Variants in PCDHGA5 observed in about 807,000 individuals in gnomAD.
The protein encoded by PCDHGA5 is protocadherin gamma-A5.
In PCDHGA5, 36 loss-of-function variants were observed where a neutral mutation model predicts 56.7. That is an observed-to-expected ratio of 0.64 (90% CI 0.49 to 0.84). The LOEUF (loss-of-function observed/expected upper bound fraction) is 0.84, where lower values mean the gene tolerates loss of function less well. Among genes scored for constraint, PCDHGA5 ranks in the 40% least tolerant of loss-of-function variants. The pLI is 0.00. For missense variants in PCDHGA5, 1,305 were observed against 1,201.5 expected (o/e 1.09, Z -1.27); for synonymous variants, 563 against 520.2 (o/e 1.08, Z -1.12).
chr5:141,410,402 A>G, intron 1 of PCDHGA5: 1 of 1,614,008 alleles, frequency 6.2e-7, no homozygotes, highest in South Asian at 1.1e-5. Flanking sequence ...TCTCTGTGTC[A>G]AGTCTGGACC....
intron 1 of PCDHGA5, among the ~76,000 whole-genome samples, chr5:141,433,397 A>ATCTATCTG (rs1554126017): frequency 5.3e-5 from 8 of 150,410 alleles, no homozygotes; most frequent in Non-Finnish European, 1.2e-4. Context: ...CTATCTATCT[A>ATCTATCTG]TCTATCTATT....
chr5:141,488,210 A>G (rs2099673009), intron 1 of PCDHGA5, among the ~76,000 whole-genome samples: 1 of 152,192 alleles, frequency 6.6e-6, no homozygotes, highest in Admixed American at 6.5e-5. Context: ...ACTCATATCA[A>G]GTCCCTACTG....
At chr5:141,379,059 G>A (rs1775341462) in intron 1 of PCDHGA5, 1 of 152,158 alleles carries the variant, frequency 6.6e-6, no homozygotes, top group Admixed American at 6.5e-5. Context: ...GAATGGATTG[G>A]CCACTTGTGC....
chr5:141,366,704 C>T lies in PCDHGA5; in HGVS notation c.2374C>T (p.Leu792=). The T allele has an allele frequency of 6.2e-7, 1 of 1,614,250 alleles. No homozygotes were observed. Among genetic ancestry groups the T allele is most frequent in the Non-Finnish European group, 8.5e-7 (1 of 1,180,034 alleles). ...EESCEKSEPL[L]MSDKVDANKE... is the part of the protein sequence containing the mutation. ...GAGCTGTGAGAAAAGCGAGCCTCTTCTGATGTCTGATAAGGTAGATGCAAA... is the reference window on the plus strand; with the variant it reads ...GAGCTGTGAGAAAAGCGAGCCTCTTTTGATGTCTGATAAGGTAGATGCAAA... The change falls in exon 1 of 4, where the codon CTG becomes TTG. Residue 792 remains leucine (L), a synonymous_variant. Coordinates refer to ENST00000518069, the MANE Select transcript of PCDHGA5 (RefSeq NM_018918.3).
At chr5:141,422,399 T>C in intron 1 of PCDHGA5, 3 of 1,598,374 alleles carry the variant, frequency 1.9e-6, no homozygotes, top group Non-Finnish European at 2.6e-6. Context: ...CCTAACCACC[T>C]GCCTTTTAAA....
chr5:141,382,463 A>T (rs1010194037), intron 1 of PCDHGA5, among the ~76,000 whole-genome samples: 1 of 152,216 alleles, frequency 6.6e-6, no homozygotes, highest in African/African-American at 2.4e-5. Context: ...GCAGTTTTTT[A>T]AAAATTATCT....
rs1210429084 is a variant in PCDHGA5 at position 141,487,045 on chromosome 5, T to C, written c.2422-7762T>C. 2 of 1,614,088 alleles carry C rather than the reference T, an allele frequency of 1.2e-6. No individual in the cohort carries two copies. Among genetic ancestry groups the C allele is most frequent in the Non-Finnish European group, 1.7e-6 (2 of 1,180,036 alleles). On this transcript the variant is annotated intron_variant, in intron 1 of 3. Coordinates refer to ENST00000518069, the MANE Select transcript of PCDHGA5 (RefSeq NM_018918.3). This position sits in a 1 kb window ranked among gnomAD's most constrained non-coding sequence, Gnocchi z 5.0. ...CCAGCCTGTTTGCAGTCTCTCGATA[T>C]GCTGGGGAGGTGCGGACGGCTGTTC...
chr5:141,410,793 G>T, intron 1 of PCDHGA5: 2 of 637,704 alleles, frequency 3.1e-6, no homozygotes, highest in Admixed American at 4.3e-5. Flanking sequence ...TGGTTCATAA[G>T]TTGCTCTATC....
rs183338714 is a variant in PCDHGA5, at chr5:141,373,869, G to A, written c.2421+7118G>A. On this transcript the variant is annotated intron_variant, in intron 1 of 3. Coordinates refer to ENST00000518069, the MANE Select transcript of PCDHGA5 (RefSeq NM_018918.3). ...TAAGCGTCGCTGTTGACCAACCTGG[G>A]CAAGAAAATCAACGGAAACTCAAGT... The A allele has an allele frequency of 4.3e-3, 2,030 of 471,178 alleles. 12 individuals carry two copies. Among genetic ancestry groups the A allele is most frequent in the Admixed American group, 0.01 (264 of 25,860 alleles). The allele number at this position is 471,178 out of a possible 1,614,324, so 29.2% of individuals were successfully genotyped here. A position where few individuals can be genotyped will look rare whatever the true frequency, so the allele number is the denominator to read the frequency against.
At position 141,413,202 on chromosome 5, in the gene PCDHGA5, GGAATC is replaced by G. The variant is rs766359797; in HGVS notation, c.2421+46452_2421+46456del. 6.8e-6 allele frequency: 11 copies of G among 1,611,944 alleles called. No homozygotes were observed. The East Asian group carries it at 2.2e-4, about 33-fold the overall frequency. On this transcript the variant is annotated intron_variant, in intron 1 of 3. Coordinates refer to ENST00000518069, the MANE Select transcript of PCDHGA5 (RefSeq NM_018918.3). ...TGGCCGCTCAAAGGAATCGCTCAAAGGAATCAAAGGATTGCAGCGGGCTGGTCCTG... is the reference window on the plus strand; with the variant it reads ...TGGCCGCTCAAAGGAATCGCTCAAAGAAAGGATTGCAGCGGGCTGGTCCTG...
At position 141,444,152 on chromosome 5, in the gene PCDHGA5, A is replaced by ATTTTTTTTTTT. The variant is rs747671382; in HGVS notation, c.2422-50629_2422-50619dup. 8.9e-5 allele frequency among the ~76,000 whole-genome samples: 3 copies of ATTTTTTTTTTT among 33,898 alleles called. 1 individual carries two copies. Among genetic ancestry groups the ATTTTTTTTTTT allele is most frequent in the African/African-American group, 4.2e-4 (3 of 7,184 alleles). 22.2% of individuals were successfully genotyped at this position (33,898 alleles called of 152,430 possible). On this transcript the variant is annotated intron_variant, in intron 1 of 3. Transcript: ENST00000518069. Reference sequence around the variant, plus strand: ...GATATGTGTCACTTGTGTGTACTGGATTTTTTTTTTTTTTTTTTTTTTTTT... The same window carrying ATTTTTTTTTTT: ...GATATGTGTCACTTGTGTGTACTGGATTTTTTTTTTTTTTTTTTTTTTTTTTTTTTTTTTTT...
chr5:141,366,314 G>A lies in PCDHGA5; in HGVS notation c.1984G>A (p.Val662Ile), dbSNP rs759896356. The change falls in exon 1 of 4, where the codon GTT becomes ATT. Residue 662 changes from valine to isoleucine, a missense_variant. Transcript: ENST00000518069. ...TCTGTCAGCCACCTTCACGGTCACC[G>A]TTGCCGTGGCCGACAGGATCCCTGA... ...PPLSATFTVT[V>I]AVADRIPDIL... 9 of 1,613,624 alleles carry A rather than the reference G, an allele frequency of 5.6e-6. No homozygotes were observed. Among genetic ancestry groups the A allele is most frequent in the South Asian group, 5.5e-5 (5 of 91,096 alleles).
chr5:141,413,390 C>G, intron 1 of PCDHGA5: 1 of 1,614,010 alleles, frequency 6.2e-7, no homozygotes, highest in Non-Finnish European at 8.5e-7. Context: ...CGCATAGTCT[C>G]CAGAGGTAGG....
Position 141,418,806 on chromosome 5 carries a change from C to T in PCDHGA5, c.2421+52055C>T, listed in dbSNP as rs200530054. The T allele has an allele frequency of 3.0e-5, 49 of 1,613,694 alleles. No individual in the cohort carries two copies. In the African/African-American group the frequency reaches 5.9e-4, roughly 19 times the overall value. On this transcript the variant is annotated intron_variant, in intron 1 of 3. Transcript: ENST00000518069. ...GATTTTGAAGAAGTAGAAAGATATA[C>T]GATAAACATAGAAGCAAAAGACCGA...
chr5:141,408,863 C>T, intron 1 of PCDHGA5: 1 of 1,613,604 alleles, frequency 6.2e-7, no homozygotes, highest in Non-Finnish European at 8.5e-7. Context: ...AGGGGACCCA[C>T]CAAGAAGTGC....
At chr5:141,386,456 G>T (rs2090582697) in intron 1 of PCDHGA5, among the ~76,000 whole-genome samples, 1 of 152,278 alleles carries the variant, frequency 6.6e-6, no homozygotes, top group East Asian at 1.9e-4. Flanking sequence ...CAAGAGGACA[G>T]CTTGAACCCA....
intron 1 of PCDHGA5, chr5:141,392,838 AGACGCGGC>A (rs1239948956): frequency 6.2e-7 from 1 of 1,608,522 alleles, no homozygotes; most frequent in South Asian, 1.1e-5. Context: ...GAGTCGCCCC[AGACGCGGC>A]GAGCTGATCC....
In PCDHGA5 at chr5:141,490,639, C is replaced by T. The variant is rs1345892739; in HGVS notation, c.2422-4168C>T. 25 of 1,614,200 alleles carry T rather than the reference C, an allele frequency of 1.5e-5. No homozygotes were observed. Among genetic ancestry groups the T allele is most frequent in the East Asian group, 2.2e-5 (1 of 44,878 alleles). ...TTACACTGCTTACATCCTAGAAAAC[C>T]GGCCTCCGGGCTCCCTTCTTTGCAC... On this transcript the variant is annotated intron_variant, in intron 1 of 3. Transcript: ENST00000518069. This position sits in a 1 kb window ranked among gnomAD's most constrained non-coding sequence, Gnocchi z 5.4.
intron 2 of PCDHGA5, among the ~76,000 whole-genome samples, chr5:141,503,700 C>G (rs2099828974): frequency 6.6e-6 from 1 of 152,016 alleles, no homozygotes; most frequent in Non-Finnish European, 1.5e-5. Flanking sequence ...GAGATTCCTG[C>G]TTTCCCCTTC....
Sources: allele counts gnomAD v4.1 joint callset (sites outside exome capture counted in the v4.1 genomes callset), GRCh38; gene constraint gnomAD v4.1.1; non-coding constraint Gnocchi (gnomAD v3.1); transcripts MANE v1.5; gene names NCBI Gene and HGNC (gene_info 2026-07-23, HGNC 2026-07-21).